MCCC1: variants seen among roughly 807,000 people sequenced by gnomAD.
The protein encoded by MCCC1 is methylcrotonoyl-CoA carboxylase subunit alpha, mitochondrial.
In MCCC1, 64 loss-of-function variants were observed where a neutral mutation model predicts 83.8. The observed-to-expected ratio is 0.76, with a 90% confidence interval of 0.62 to 0.94. The LOEUF is 0.94. Among genes scored for constraint, MCCC1 ranks in the 40% least tolerant of loss-of-function variants. The probability of loss-of-function intolerance (pLI) is 0.00; values close to 1 mark genes in which losing one functional copy is unlikely to be tolerated. For synonymous variants in MCCC1, 322 were observed against 315.4 expected, an observed-to-expected ratio of 1.02 and a Z score of -0.22; for missense variants, 807 against 904.7, an observed-to-expected ratio of 0.89 and a Z score of 1.39.
chr3:183,094,022 C>G (rs116291701), intron 2 of MCCC1, among the ~76,000 whole-genome samples: 2,472 of 151,258 alleles, frequency 0.016, 31 homozygotes, highest in Non-Finnish European at 0.023. Context: ...CATTATTGCC[C>G]TCTGTATTTT....
chr3:183,094,511 C>T lies in MCCC1; in HGVS notation c.136+48G>A, dbSNP rs370186220. On this transcript the variant is annotated intron_variant, in intron 2 of 18. Transcript: ENST00000265594. ...ATTAAACATTTCCCTTTCTTAAACACTTCCAGTCTGAAGCAAAATCAAATA... is the reference window on the plus strand; with the variant it reads ...ATTAAACATTTCCCTTTCTTAAACATTTCCAGTCTGAAGCAAAATCAAATA... 3.9e-5 allele frequency: 62 copies of T among 1,579,412 alleles called. No individual in the cohort carries two copies. In the African/African-American group the frequency reaches 7.5e-4, roughly 19 times the overall value.
chr3:183,097,095 T>C (rs1458084934), intron 1 of MCCC1, among the ~76,000 whole-genome samples: 2 of 152,226 alleles, frequency 1.3e-5, no homozygotes, highest in Non-Finnish European at 2.9e-5. Context: ...GTTCTGATCA[T>C]CTATTCCATT....
intron 14 of MCCC1, among the ~76,000 whole-genome samples, chr3:183,030,030 T>C (rs7651093): frequency 0.89 from 135,791 of 152,240 alleles, 60,992 homozygotes; most frequent in East Asian, 1. Context: ...TCTCTAGGCC[T>C]GGGGAGGTGG....
chr3:183,069,934 C>T (rs1716528623), intron 7 of MCCC1, among the ~76,000 whole-genome samples: 1 of 152,150 alleles, frequency 6.6e-6, no homozygotes, highest in Admixed American at 6.5e-5. Flanking sequence ...ACTCTGGAGT[C>T]AAAGTGCCTG....
At chr3:183,102,100 G>C (rs148656035), upstream of MCCC1, among the ~76,000 whole-genome samples, 172 of 151,812 alleles carry the variant, frequency 1.1e-3, 1 homozygote, top group African/African-American at 3.6e-3. Context: ...CACCAATTTC[G>C]GACACGCCAT....
intron 16 of MCCC1, among the ~76,000 whole-genome samples, chr3:183,020,503 G>A (rs181763498): frequency 3.9e-5 from 6 of 152,068 alleles, no homozygotes; most frequent in South Asian, 2.1e-4. Context: ...GTAGTGGTAC[G>A]CGCCTATAGT....
intron 8 of MCCC1, among the ~76,000 whole-genome samples, chr3:183,053,762 A>G (rs2108500019): frequency 6.8e-6 from 1 of 147,732 alleles, no homozygotes; most frequent in Non-Finnish European, 1.5e-5. Context: ...CCAAGACTGC[A>G]CCACTGCACT....
intron 15 of MCCC1, among the ~76,000 whole-genome samples, chr3:183,023,212 T>A (rs1431739150): frequency 6.6e-6 from 1 of 152,248 alleles, no homozygotes; most frequent in Non-Finnish European, 1.5e-5. Context: ...AAAATCCATT[T>A]ACATCTTCTC....
intron 3 of MCCC1, among the ~76,000 whole-genome samples, chr3:183,090,688 C>T (rs1260251008): frequency 6.6e-6 from 1 of 151,962 alleles, no homozygotes; most frequent in Non-Finnish European, 1.5e-5. Context: ...CTCCCGGGTT[C>T]AAGCGATTCT....
At chr3:183,085,630 TAAAAAAAAAA>T (rs57408690) in intron 4 of MCCC1, among the ~76,000 whole-genome samples, 1 of 103,296 alleles carries the variant, frequency 9.7e-6, no homozygotes, top group Non-Finnish European at 1.9e-5. Context: ...ACCCTGTCTT[TAAAAAAAAAA>T]AAAAAAAAAA....
chr3:183,022,581 T>A, intron 15 of MCCC1, 27 bp from the exon 16 acceptor site: 1 of 1,561,304 alleles, frequency 6.4e-7, no homozygotes, highest in East Asian at 2.3e-5. Flanking sequence ...ATAAGATTTT[T>A]AAAATAAATG....
chr3:183,049,676 CA>C (rs1320447428), intron 9 of MCCC1, among the ~76,000 whole-genome samples: 1 of 151,244 alleles, frequency 6.6e-6, no homozygotes, highest in Non-Finnish European at 1.5e-5. Context: ...AGTAACGGAA[CA>C]AAAAGAGGTC....
chr3:183,019,169 T>C (rs568579706), intron 17 of MCCC1, among the ~76,000 whole-genome samples: 1 of 152,378 alleles, frequency 6.6e-6, no homozygotes, highest in South Asian at 2.1e-4. Context: ...CTTCTTTTTT[T>C]GTTCCAAGCA....
At chr3:183,104,086 C>T (rs893992957), upstream of MCCC1, among the ~76,000 whole-genome samples, 3 of 152,172 alleles carry the variant, frequency 2.0e-5, no homozygotes, top group African/African-American at 4.8e-5. Context: ...CCAGCTGGCC[C>T]GCAAGCGCCG....
intron 14 of MCCC1, among the ~76,000 whole-genome samples, chr3:183,028,214 A>G (rs572692769): frequency 1.3e-5 from 2 of 152,314 alleles, no homozygotes; most frequent in African/African-American, 4.8e-5. Flanking sequence ...AGCCTGGATG[A>G]CAGCACTTCT....
At chr3:183,016,994 C>T (rs1711692882) in intron 18 of MCCC1, 1 of 486,548 alleles carries the variant, frequency 2.1e-6, no homozygotes, top group Admixed American at 3.4e-5. Context: ...AAAATACCAA[C>T]AGTTAACATT....
chr3:183,079,607 A>C (rs917777112), intron 4 of MCCC1, among the ~76,000 whole-genome samples: 1 of 152,126 alleles, frequency 6.6e-6, no homozygotes, highest in East Asian at 1.9e-4. Flanking sequence ...TTCCAGGTAC[A>C]TGGTGCAAGC....
rs1285982039 is a variant in MCCC1, at chr3:183,064,664, A to C, written c.761+6335T>G. ...GTCCACTGCGGGCACCGGCGGCCAC[A>C]CTGCCTCGGCCGACCCACGTCCTGG... is the stretch of plus-strand genomic sequence containing the variant. On this transcript the variant is annotated intron_variant, in intron 7 of 18. Transcript: ENST00000265594. This position sits in a 1 kb window ranked among gnomAD's most constrained non-coding sequence, Gnocchi z 4.5. 6.6e-6 allele frequency among the ~76,000 whole-genome samples: 1 copy of C among 152,188 alleles called. No homozygotes were observed. The highest frequency in any genetic ancestry group is 6.5e-5 in the Admixed American group (1 of 15,276).
chr3:183,027,141 C>T (rs1019402483), intron 14 of MCCC1, among the ~76,000 whole-genome samples: 7 of 152,152 alleles, frequency 4.6e-5, no homozygotes, highest in Non-Finnish European at 8.8e-5. Flanking sequence ...AATTGTTTTA[C>T]GGTGCCTCAA....
Sources: gnomAD v4.1 joint callset for allele counts (sites outside exome capture counted in the v4.1 genomes callset) on GRCh38, gnomAD v4.1.1 for gene constraint, Gnocchi (gnomAD v3.1) non-coding constraint, MANE v1.5 for transcripts, NCBI Gene and HGNC (gene_info 2026-07-23, HGNC 2026-07-21) for gene names.